The following SHPRH variants were observed in gnomAD, a reference collection of about 807,000 sequenced individuals.
SHPRH encodes the protein SNF2 histone linker PHD RING helicase.
SHPRH carries 106 observed loss-of-function variants against 202.5 expected under a neutral mutation model. That is an observed-to-expected ratio of 0.52 (90% confidence interval 0.45 to 0.62). SHPRH has a LOEUF of 0.62. SHPRH is among the 20% of genes least tolerant of loss of function. The pLI is 0.00. For missense variants in SHPRH, 1,710 were observed against 2,020.0 expected, an observed-to-expected ratio of 0.85 and a Z score of 2.94; for synonymous variants, 729 against 686.0, an observed-to-expected ratio of 1.06 and a Z score of -0.98.
At chr6:145,910,669 T>C (rs764062475) in intron 24 of SHPRH, 33 bp from the exon 25 acceptor site, 2 of 1,493,990 alleles carry the variant, frequency 1.3e-6, no homozygotes, top group Admixed American at 2.0e-5. Flanking sequence ...CTTAGTGCTA[T>C]CAAAGATGCC....
chr6:145,959,989 A>G (rs1342671558), intron 1 of SHPRH, among the ~76,000 whole-genome samples: 2 of 152,362 alleles, frequency 1.3e-5, no homozygotes, highest in East Asian at 1.9e-4. Context: ...AAGTTATGCT[A>G]TAGTAGCTTA....
At chr6:145,922,263 T>C in intron 20 of SHPRH, 23 bp downstream of exon 20, 1 of 1,577,248 alleles carries the variant, frequency 6.3e-7, no homozygotes, top group Non-Finnish European at 8.6e-7. Context: ...TCTTGATGGG[T>C]AATAATCAAA....
intron 25 of SHPRH, among the ~76,000 whole-genome samples, chr6:145,898,113 A>C (rs1283942412): frequency 6.6e-6 from 1 of 152,190 alleles, no homozygotes; most frequent in Admixed American, 6.5e-5. Context: ...AAAATCCTAA[A>C]GATTCCACCA....
At chr6:145,948,380 T>C (rs1376918267) in intron 4 of SHPRH, 30 bp from the exon 5 acceptor site, 1 of 1,567,344 alleles carries the variant, frequency 6.4e-7, no homozygotes, top group South Asian at 1.2e-5. Flanking sequence ...TAATAACAAA[T>C]TTTTGTTTTC....
At chr6:145,896,304 T>C (rs1054378747) in intron 25 of SHPRH, among the ~76,000 whole-genome samples, 13 of 151,916 alleles carry the variant, frequency 8.6e-5, no homozygotes, top group Admixed American at 7.2e-4. Context: ...GAAGAGAAAA[T>C]AGGAAATTAG....
chr6:145,963,094 C>T (rs1789266422), intron 1 of SHPRH, among the ~76,000 whole-genome samples: 1 of 152,164 alleles, frequency 6.6e-6, no homozygotes, highest in Non-Finnish European at 1.5e-5. Context: ...TCTCAATTGC[C>T]AGCTTACTGG....
intron 13 of SHPRH, among the ~76,000 whole-genome samples, chr6:145,934,190 G>A (rs1562340259): frequency 1.3e-5 from 2 of 152,026 alleles, no homozygotes; most frequent in Non-Finnish European, 2.9e-5. Context: ...ACATAAAACA[G>A]GCCGGGCGTG....
chr6:145,913,065 C>T (rs1783640584), intron 24 of SHPRH, among the ~76,000 whole-genome samples: 1 of 152,042 alleles, frequency 6.6e-6, no homozygotes. Context: ...TATTATGAGA[C>T]ATTAATACTG....
At chr6:145,897,104 A>C (rs1176344401) in intron 25 of SHPRH, among the ~76,000 whole-genome samples, 3 of 151,940 alleles carry the variant, frequency 2.0e-5, no homozygotes, top group Non-Finnish European at 4.4e-5. Context: ...AGACTAATGA[A>C]ATTCTTAGTT....
In SHPRH at chr6:145,922,270, C is replaced by A; in HGVS notation, c.3782+16G>T. ...TTTCATTTTCTTGATGGGTAATAAT[C>A]AAATAGAGAACTTACGTGTTGGAAA... On this transcript the variant is annotated intron_variant, in intron 20 of 29. Coordinates refer to ENST00000275233, the MANE Select transcript of SHPRH (RefSeq NM_001042683.3). 5 of 1,579,370 alleles carry A rather than the reference C, an allele frequency of 3.2e-6. No individual in the cohort carries two copies. Among genetic ancestry groups the A allele is most frequent in the South Asian group, 1.2e-5 (1 of 86,332 alleles).
downstream of SHPRH, among the ~76,000 whole-genome samples, chr6:145,880,157 G>T (rs1210562970): frequency 1.3e-5 from 2 of 152,038 alleles, no homozygotes; most frequent in African/African-American, 4.8e-5. Context: ...GTTACCAGGT[G>T]TATCTCCAAA....
At chr6:145,927,163 T>C (rs1013235169) in intron 15 of SHPRH, 26 bp downstream of exon 15, 87 of 1,587,496 alleles carry the variant, frequency 5.5e-5, no homozygotes, top group Non-Finnish European at 7.5e-5. Flanking sequence ...ACAGAATACC[T>C]ATGAAACTGT....
At chr6:145,909,391 T>C (rs1182204151) in intron 25 of SHPRH, 1 of 152,106 alleles carries the variant, frequency 6.6e-6, no homozygotes, top group Non-Finnish European at 1.5e-5. Flanking sequence ...AATGGATGAA[T>C]GCTTATTCTA....
intron 17 of SHPRH, among the ~76,000 whole-genome samples, 154 bp from the exon 18 acceptor site, chr6:145,923,939 A>G (rs544947676): frequency 1.3e-4 from 20 of 152,058 alleles, no homozygotes; most frequent in South Asian, 2.1e-4. Context: ...TACATATTCC[A>G]TGTACAATGC....
intron 2 of SHPRH, among the ~76,000 whole-genome samples, chr6:145,879,456 T>C (rs1161985107): frequency 6.6e-6 from 1 of 152,192 alleles, no homozygotes; most frequent in Non-Finnish European, 1.5e-5. Flanking sequence ...ACTTAAACTC[T>C]TGAAGTTTAT....
chr6:145,879,684 G>A (rs1257466972), intron 2 of SHPRH, among the ~76,000 whole-genome samples: 1 of 152,110 alleles, frequency 6.6e-6, no homozygotes, highest in East Asian at 1.9e-4. Context: ...GCCAAGGCAG[G>A]TGGATCTCCT....
At chr6:145,942,671 C>G (rs1016919364) in intron 9 of SHPRH, among the ~76,000 whole-genome samples, 1 of 152,138 alleles carries the variant, frequency 6.6e-6, no homozygotes, top group African/African-American at 2.4e-5. Context: ...TTTTAAAACT[C>G]AGCAGTTCCT....
At chr6:145,869,181 T>G (rs1025214402) in intron 2 of SHPRH, among the ~76,000 whole-genome samples, 4 of 152,210 alleles carry the variant, frequency 2.6e-5, no homozygotes, top group Non-Finnish European at 4.4e-5. Flanking sequence ...TTTGGCTCAT[T>G]TTAAATCAAG....
intron 24 of SHPRH, among the ~76,000 whole-genome samples, chr6:145,911,414 C>T (rs746432639): frequency 1.8e-4 from 28 of 152,048 alleles, no homozygotes; most frequent in Non-Finnish European, 1.3e-4. Context: ...TGAGCCACCG[C>T]GCCCAGCCAA....
Sources: gnomAD v4.1 joint callset for allele counts (sites outside exome capture counted in the v4.1 genomes callset) on GRCh38, gnomAD v4.1.1 for gene constraint, MANE v1.5 for transcripts, NCBI Gene and HGNC (gene_info 2026-07-23, HGNC 2026-07-21) for gene names.